The following CDH18 variants were observed in gnomAD, a reference collection of about 807,000 sequenced individuals.
CDH18 encodes cadherin 18.
A neutral mutation model predicts 67.9 loss-of-function variants in CDH18; 31 were observed. That is an observed-to-expected ratio of 0.46 (90% CI 0.34 to 0.62). CDH18 has a LOEUF of 0.62. Ranked by LOEUF, CDH18 falls within the 20% of genes least tolerant of loss-of-function variation. The probability of loss-of-function intolerance (pLI) is 0.01; values close to 1 mark genes in which losing one functional copy is unlikely to be tolerated. For missense variants in CDH18, 890 were observed against 975.5 expected, an observed-to-expected ratio of 0.91 and a Z score of 1.17; for synonymous variants, 362 against 347.2, an observed-to-expected ratio of 1.04 and a Z score of -0.48.
At chr5:20,196,726 T>A (rs529103231) in intron 2 of CDH18, among the ~76,000 whole-genome samples, 1 of 152,202 alleles carries the variant, frequency 6.6e-6, no homozygotes, top group Non-Finnish European at 1.5e-5. Flanking sequence ...GGTCATTTGA[T>A]CAGGATGTAG....
intron 1 of CDH18, among the ~76,000 whole-genome samples, chr5:20,277,968 G>A (rs59919524): frequency 0.025 from 3,741 of 152,170 alleles, 160 homozygotes; most frequent in African/African-American, 0.084. Flanking sequence ...TACACAGTCG[G>A]AGGAGAAAAA....
chr5:19,767,707 T>C (rs1220684257), intron 3 of CDH18, among the ~76,000 whole-genome samples: 1 of 152,114 alleles, frequency 6.6e-6, no homozygotes, highest in Non-Finnish European at 1.5e-5. Flanking sequence ...CATCATATTA[T>C]ATATAATTGT....
chr5:20,522,568 G>T (rs1755812603), intron 1 of CDH18, among the ~76,000 whole-genome samples: 1 of 152,110 alleles, frequency 6.6e-6, no homozygotes. Context: ...GAATCATATG[G>T]AATTTCTTTT....
chr5:19,499,615 A>T (rs535027121), intron 11 of CDH18, among the ~76,000 whole-genome samples: 1 of 151,876 alleles, frequency 6.6e-6, no homozygotes, highest in South Asian at 2.1e-4. Flanking sequence ...CAATTTTTTT[A>T]TCTTTTTTGT....
At chr5:19,513,350 A>G (rs974782991) in intron 10 of CDH18, among the ~76,000 whole-genome samples, 6 of 152,158 alleles carry the variant, frequency 3.9e-5, no homozygotes, top group Admixed American at 6.6e-5. Flanking sequence ...TTCAAATTTT[A>G]GTAAAAGACG....
chr5:19,532,711 A>G (rs368604665), intron 9 of CDH18, among the ~76,000 whole-genome samples: 10 of 152,324 alleles, frequency 6.6e-5, no homozygotes, highest in African/African-American at 2.4e-4. Context: ...TACCCCAGGT[A>G]AGGGGTGAAA....
rs189737799 is a variant in CDH18 at position 19,869,661 on chromosome 5, C to T, written c.-256-30419G>A. ...AGCTGTGAGGATTAAATGAGATCAT[C>T]CATTTTTTCAACTACAAAGTTATTT... On this transcript the variant is annotated intron_variant, in intron 2 of 12. Transcript: ENST00000382275. Among the ~76,000 whole-genome samples, 255 of 152,180 alleles carry T rather than the reference C, an allele frequency of 1.7e-3. 2 individuals carry two copies. Among genetic ancestry groups the T allele is most frequent in the African/African-American group, 5.9e-3 (244 of 41,526 alleles).
At chr5:20,037,189 G>T (rs891710130) in intron 2 of CDH18, among the ~76,000 whole-genome samples, 1 of 152,028 alleles carries the variant, frequency 6.6e-6, no homozygotes, top group Non-Finnish European at 1.5e-5. Context: ...CCCATTAGTT[G>T]ATGCAGTTTC....
At chr5:20,284,794 T>G (rs1746558514) in intron 1 of CDH18, among the ~76,000 whole-genome samples, 2 of 151,880 alleles carry the variant, frequency 1.3e-5, no homozygotes, top group African/African-American at 4.8e-5. Flanking sequence ...TAGAATATTT[T>G]ATAGAGCAAA....
At chr5:19,524,029 C>A (rs571693034) in intron 9 of CDH18, among the ~76,000 whole-genome samples, 12 of 151,774 alleles carry the variant, frequency 7.9e-5, no homozygotes, top group Non-Finnish European at 1.6e-4. Flanking sequence ...GAAAACAACA[C>A]GTAAAAGTAA....
chr5:19,997,762 G>A (rs1736128305), intron 2 of CDH18, among the ~76,000 whole-genome samples: 1 of 152,124 alleles, frequency 6.6e-6, no homozygotes, highest in African/African-American at 2.4e-5. Context: ...TTATAATACA[G>A]TGGAGGATGC....
At chr5:19,639,453 G>A (rs1023339446) in intron 5 of CDH18, among the ~76,000 whole-genome samples, 2 of 152,124 alleles carry the variant, frequency 1.3e-5, no homozygotes, top group Non-Finnish European at 2.9e-5. Context: ...AAGACATCAA[G>A]AGCCATAGCT....
chr5:19,935,418 A>G (rs1334905767), intron 2 of CDH18, among the ~76,000 whole-genome samples: 4 of 151,338 alleles, frequency 2.6e-5, no homozygotes, highest in African/African-American at 9.7e-5. Context: ...CTATTAATAC[A>G]GTATTTTAAT....
intron 2 of CDH18, among the ~76,000 whole-genome samples, chr5:20,232,667 C>A (rs1235520167): frequency 6.6e-6 from 1 of 151,982 alleles, no homozygotes; most frequent in Non-Finnish European, 1.5e-5. Context: ...CAAAGACATG[C>A]CACATTGATA....
chr5:19,986,647 A>G (rs1210011377), intron 1 of CDH18, among the ~76,000 whole-genome samples: 1 of 152,204 alleles, frequency 6.6e-6, no homozygotes, highest in Non-Finnish European at 1.5e-5. Flanking sequence ...TAAGATATCC[A>G]GAATTAAATA....
intron 2 of CDH18, among the ~76,000 whole-genome samples, chr5:19,905,242 A>G (rs1217317524): frequency 6.6e-6 from 1 of 152,148 alleles, no homozygotes; most frequent in African/African-American, 2.4e-5. Context: ...CTACATTTTA[A>G]TTACATTTTG....
chr5:20,366,284 T>TCAC (rs1361642705), intron 1 of CDH18, among the ~76,000 whole-genome samples: 1 of 152,254 alleles, frequency 6.6e-6, no homozygotes, highest in East Asian at 1.9e-4. Context: ...TCTTGCTTAC[T>TCAC]CACCACCACC....
intron 1 of CDH18, among the ~76,000 whole-genome samples, chr5:20,441,524 G>A (rs1012859837): frequency 4.6e-5 from 7 of 151,586 alleles, no homozygotes; most frequent in Non-Finnish European, 8.8e-5. Context: ...CCATTTGAAA[G>A]AATACAATAC....
At chr5:19,832,230 T>G (rs1179996226) in intron 3 of CDH18, among the ~76,000 whole-genome samples, 2 of 152,096 alleles carry the variant, frequency 1.3e-5, no homozygotes, top group African/African-American at 4.8e-5. Context: ...GTAACAAAAA[T>G]GCACATGTGC....
Sources: gnomAD v4.1 joint callset for allele counts (sites outside exome capture counted in the v4.1 genomes callset) on GRCh38, gnomAD v4.1.1 for gene constraint, MANE v1.5 for transcripts, NCBI Gene and HGNC (gene_info 2026-07-23, HGNC 2026-07-21) for gene names.